The following PRKAR1B variants were observed in gnomAD, a reference collection of about 807,000 sequenced individuals.
The protein encoded by PRKAR1B is cAMP-dependent protein kinase type I-beta regulatory subunit.
In PRKAR1B, 22 loss-of-function variants were observed where a neutral mutation model predicts 46.5. The observed-to-expected ratio is 0.47, with a 90% CI of 0.34 to 0.68. PRKAR1B has a LOEUF of 0.68. PRKAR1B is among the 30% of genes least tolerant of loss of function. The pLI is 0.01. For missense variants in PRKAR1B, 445 were observed against 535.6 expected (o/e 0.83, Z 1.67); for synonymous variants, 259 against 217.7 (o/e 1.19, Z -1.67).
At chr7:583,531 C>CCACACACGTGCCCTCATCCCCA in intron 8 of PRKAR1B, among the ~76,000 whole-genome samples, 1 of 126,058 alleles carries the variant, frequency 7.9e-6, no homozygotes, top group African/African-American at 3.0e-5. Context: ...GTGCACACAC[C>CCACACACGTGCCCTCATCCCCA]CACTCACACA....
intron 4 of PRKAR1B, among the ~76,000 whole-genome samples, chr7:616,192 CGCCCCAGGTCCTG>C (rs1308619691): frequency 1.3e-5 from 2 of 152,214 alleles, no homozygotes; most frequent in Non-Finnish European, 2.9e-5. Flanking sequence ...AGTGGGTCCT[CGCCCCAGGTCCTG>C]GCCCCCTGTG....
chr7:727,252 C>T lies in PRKAR1B; in HGVS notation c.-65G>A. On this transcript the variant is annotated 5_prime_UTR_variant, in exon 1 of 11. Transcript: ENST00000537384. Reference sequence around the variant, plus strand: ...CGCGCTGCGCTGCTCCCTGCTCGACCCCTTCGCCGCCGTGCGCCGCGAGAG... The same window carrying T: ...CGCGCTGCGCTGCTCCCTGCTCGACTCCTTCGCCGCCGTGCGCCGCGAGAG... 7 of 1,339,966 alleles carry T rather than the reference C, an allele frequency of 5.2e-6. No homozygotes were observed. In the South Asian group the frequency reaches 1.1e-4, roughly 21 times the overall value. The allele number at this position is 1,339,966 out of a possible 1,614,324, so 83.0% of individuals were successfully genotyped here.
intron 2 of PRKAR1B, among the ~76,000 whole-genome samples, chr7:703,186 T>C (rs1780151555): frequency 1.3e-5 from 2 of 151,820 alleles, no homozygotes; most frequent in South Asian, 4.2e-4. Context: ...GATAAGAGGG[T>C]TTATTCACAT....
At chr7:690,510 A>G (rs1237789704) in intron 2 of PRKAR1B, among the ~76,000 whole-genome samples, 2 of 152,166 alleles carry the variant, frequency 1.3e-5, no homozygotes, top group Non-Finnish European at 2.9e-5. Context: ...AACAACAACA[A>G]ATTTCAAGTG....
chr7:725,238 G>A lies in PRKAR1B; in HGVS notation c.-23+1972C>T, dbSNP rs141047644. On this transcript the variant is annotated intron_variant, in intron 1 of 10. Coordinates refer to ENST00000537384, the MANE Select transcript of PRKAR1B (RefSeq NM_001164760.2). ...CAAAAAAAAAAAAAAAAGACGTACC[G>A]ACAAACACCACCATTTTGCAACACG... Among the ~76,000 whole-genome samples the A allele has an allele frequency of 2.8e-3, 415 of 149,938 alleles. 3 individuals carry two copies. Among genetic ancestry groups the A allele is most frequent in the African/African-American group, 9.2e-3 (378 of 40,946 alleles).
chr7:665,484 C>T (rs1220513100), intron 4 of PRKAR1B, among the ~76,000 whole-genome samples: 3 of 152,206 alleles, frequency 2.0e-5, no homozygotes, highest in East Asian at 1.9e-4. Context: ...GCTTCAAACC[C>T]CAGGCTTCAG....
chr7:728,255 C>T (rs1181932410), upstream of PRKAR1B, among the ~76,000 whole-genome samples: 1 of 152,058 alleles, frequency 6.6e-6, no homozygotes, highest in African/African-American at 2.4e-5. Flanking sequence ...GGAAGGCTTT[C>T]CGAAGGAGGG....
rs1199507675 is a variant in PRKAR1B, at chr7:704,724, G to T, written c.177+6605C>A. On this transcript the variant is annotated intron_variant, in intron 2 of 10. Transcript: ENST00000537384. ...GGGCGGGTTGCAGTGAGCTAAGATC[G>T]CACCACTGCACTCCAGCCTGGTCAA... Among the ~76,000 whole-genome samples, 3 of 152,114 alleles carry T rather than the reference G, an allele frequency of 2.0e-5. No homozygotes were observed. In the East Asian group the frequency reaches 5.8e-4, roughly 30 times the overall value.
chr7:587,204 A>T (rs1483209080), intron 7 of PRKAR1B, among the ~76,000 whole-genome samples: 2 of 152,064 alleles, frequency 1.3e-5, no homozygotes, highest in Non-Finnish European at 2.9e-5. Flanking sequence ...GAGCCCCCCA[A>T]ATGCCTGTCA....
At chr7:689,531 C>T (rs759687288) in intron 2 of PRKAR1B, among the ~76,000 whole-genome samples, 2 of 152,018 alleles carry the variant, frequency 1.3e-5, no homozygotes, top group Non-Finnish European at 2.9e-5. Flanking sequence ...CACAGAGTAA[C>T]CCAGGATACA....
At chr7:628,386 G>A (rs1444850572) in intron 4 of PRKAR1B, among the ~76,000 whole-genome samples, 1 of 152,242 alleles carries the variant, frequency 6.6e-6, no homozygotes, top group East Asian at 1.9e-4. Flanking sequence ...TAGGTCAGCA[G>A]AGGGCAGGCG....
At chr7:709,327 G>GTA in intron 2 of PRKAR1B, among the ~76,000 whole-genome samples, 1 of 150,946 alleles carries the variant, frequency 6.6e-6, no homozygotes, top group East Asian at 2.0e-4. Context: ...ATGTATGTAT[G>GTA]TGTGTGTATG....
chr7:591,630 G>A (rs962133215), intron 7 of PRKAR1B, among the ~76,000 whole-genome samples: 2 of 152,136 alleles, frequency 1.3e-5, no homozygotes, highest in South Asian at 2.1e-4. Flanking sequence ...CGGGAGGGTC[G>A]CTTGAGCTCA....
At chr7:562,067 C>T (rs1398559717) in intron 9 of PRKAR1B, 1 of 152,348 alleles carries the variant, frequency 6.6e-6, no homozygotes, top group African/African-American at 2.4e-5. Context: ...GTGGCTGCGC[C>T]AGCAACCACG....
At chr7:640,314 T>A (rs891216014) in intron 4 of PRKAR1B, among the ~76,000 whole-genome samples, 2 of 152,052 alleles carry the variant, frequency 1.3e-5, no homozygotes, top group Non-Finnish European at 2.9e-5. Context: ...CCAGAACATA[T>A]AAAGAACACT....
chr7:689,326 T>C (rs986645462), intron 2 of PRKAR1B, among the ~76,000 whole-genome samples: 18 of 151,998 alleles, frequency 1.2e-4, no homozygotes, highest in African/African-American at 4.1e-4. Context: ...CTTCATCATA[T>C]TAGCCAGGAT....
chr7:617,661 A>T (rs1388910103), intron 4 of PRKAR1B, among the ~76,000 whole-genome samples: 2 of 152,120 alleles, frequency 1.3e-5, no homozygotes, highest in Non-Finnish European at 2.9e-5. Context: ...ACCCTGGTCC[A>T]TTCCAGATAC....
At chr7:719,696 CT>C (rs1781005869) in intron 1 of PRKAR1B, among the ~76,000 whole-genome samples, 1 of 152,136 alleles carries the variant, frequency 6.6e-6, no homozygotes, top group Non-Finnish European at 1.5e-5. Context: ...GTCATGACCC[CT>C]CTGGGTATTC....
rs532266259 is a variant in PRKAR1B at position 658,977 on chromosome 7, G to A, written c.440+18252C>T. On this transcript the variant is annotated intron_variant, in intron 4 of 10. Transcript: ENST00000537384. ...AATGTTTTTAAAAAAATATTATCTCGCAGTCATTTGTAAGCTAAGAAAGAG... is the reference window on the plus strand; with the variant it reads ...AATGTTTTTAAAAAAATATTATCTCACAGTCATTTGTAAGCTAAGAAAGAG... Among the ~76,000 whole-genome samples, 156 of 152,040 alleles carry A rather than the reference G, an allele frequency of 1.0e-3. 1 individual carries two copies. The highest frequency in any genetic ancestry group is 1.8e-3 in the Non-Finnish European group (123 of 68,020).
Sources: gnomAD v4.1 joint callset for allele counts (sites outside exome capture counted in the v4.1 genomes callset) on GRCh38, gnomAD v4.1.1 for gene constraint, MANE v1.5 for transcripts, NCBI Gene and HGNC (gene_info 2026-07-23, HGNC 2026-07-21) for gene names.